The following WDFY4 variants were observed in gnomAD, a reference collection of about 807,000 sequenced individuals.
WDFY4 encodes the protein WD repeat- and FYVE domain-containing protein 4.
WDFY4 carries 169 observed loss-of-function variants against 351.9 expected under a neutral mutation model. The observed-to-expected ratio is 0.48, with a 90% confidence interval of 0.42 to 0.55. The LOEUF is 0.55. Among genes scored for constraint, WDFY4 ranks in the 20% least tolerant of loss-of-function variants. WDFY4 has a pLI of 0.00. For missense variants in WDFY4, 3,803 were observed against 3,935.6 expected, an observed-to-expected ratio of 0.97 and a Z score of 0.90; for synonymous variants, 1,622 against 1,574.6, an observed-to-expected ratio of 1.03 and a Z score of -0.71.
chr10:48,810,298 A>G (rs553058392), intron 28 of WDFY4, among the ~76,000 whole-genome samples: 69 of 152,340 alleles, frequency 4.5e-4, no homozygotes, highest in African/African-American at 1.3e-3. Context: ...CAATTGCTTC[A>G]AAATGCTGTG....
At chr10:48,719,439 G>T (rs907906097) in intron 2 of WDFY4, among the ~76,000 whole-genome samples, 1 of 152,180 alleles carries the variant, frequency 6.6e-6, no homozygotes, top group Non-Finnish European at 1.5e-5. Context: ...CTCACGGGAG[G>T]CCTGGAGAGT....
At chr10:48,834,501 T>C (rs757114321) in intron 39 of WDFY4, among the ~76,000 whole-genome samples, 1 of 152,244 alleles carries the variant, frequency 6.6e-6, no homozygotes, top group Non-Finnish European at 1.5e-5. Context: ...CCATTTGGCC[T>C]TCTAGCTCTC....
Position 48,729,506 on chromosome 10 carries a change from C to T in WDFY4, c.1046C>T (p.Thr349Ile). The T allele has an allele frequency of 1.9e-6, 3 of 1,551,718 alleles. No homozygotes were observed. Among genetic ancestry groups the T allele is most frequent in the Non-Finnish European group, 2.6e-6 (3 of 1,146,994 alleles). The change falls in exon 8 of 62, where the codon ACC becomes ATC. Residue 349 changes from threonine to isoleucine, a missense_variant. Thr to Ile is a moderately conservative substitution (Grantham distance 89). This residue lies in a region of WDFY4 where 488 missense variants were observed against 456.8 expected (regional missense o/e 1.07). Transcript: ENST00000325239. ...ELLGLVVWLT[T>I]CGRSELKVFD... ...CTTGGGCTGGTGGTGTGGCTGACAA[C>T]CTGTGGGAGGTCAGAGCTGAAGGTG... is the stretch of plus-strand genomic sequence containing the variant.
At chr10:48,760,619 A>C (rs2065474393) in intron 13 of WDFY4, among the ~76,000 whole-genome samples, 179 bp downstream of exon 13, 3 of 152,212 alleles carry the variant, frequency 2.0e-5, no homozygotes, top group Admixed American at 1.3e-4. Flanking sequence ...CACTTGACTG[A>C]GTTGTGCCCA....
intron 53 of WDFY4, among the ~76,000 whole-genome samples, chr10:48,963,555 C>T (rs1841953042): frequency 6.6e-6 from 1 of 152,176 alleles, no homozygotes; most frequent in African/African-American, 2.4e-5. Flanking sequence ...TTTCCCAGGC[C>T]TGCACCTCAT....
At chr10:48,687,516 T>G (rs894267526) in intron 1 of WDFY4, among the ~76,000 whole-genome samples, 6 of 152,170 alleles carry the variant, frequency 3.9e-5, no homozygotes, top group African/African-American at 1.4e-4. Flanking sequence ...AAATGGCTTT[T>G]GTGTATGGCG....
intron 47 of WDFY4, among the ~76,000 whole-genome samples, chr10:48,937,247 T>C (rs1181839109): frequency 6.6e-6 from 1 of 152,242 alleles, no homozygotes; most frequent in Non-Finnish European, 1.5e-5. Flanking sequence ...AGTTGTACCA[T>C]AACAATCTGG....
At chr10:48,794,005 A>G (rs1205824335) in intron 23 of WDFY4, among the ~76,000 whole-genome samples, 1 of 152,068 alleles carries the variant, frequency 6.6e-6, no homozygotes, top group Admixed American at 6.5e-5. Flanking sequence ...TAACATTAAA[A>G]CACTTCCAGG....
At chr10:48,811,494 A>G in intron 29 of WDFY4, 45 bp from the exon 30 acceptor site, 3 of 1,536,488 alleles carry the variant, frequency 2.0e-6, no homozygotes, top group Non-Finnish European at 2.6e-6. Context: ...CTTGACCAGC[A>G]GCTGTTCTCA....
At chr10:48,912,739 C>T (rs953288001) in intron 47 of WDFY4, among the ~76,000 whole-genome samples, 2 of 152,230 alleles carry the variant, frequency 1.3e-5, no homozygotes, top group Admixed American at 1.3e-4. Context: ...GGGAGTGCAA[C>T]TTCATTCATT....
intron 47 of WDFY4, among the ~76,000 whole-genome samples, chr10:48,934,742 C>G (rs1840246996): frequency 6.6e-6 from 1 of 152,214 alleles, no homozygotes; most frequent in Non-Finnish European, 1.5e-5. Flanking sequence ...GAAGCAGTCA[C>G]AGCTTAGTTT....
At chr10:48,774,714 C>G (rs1166498887) in intron 14 of WDFY4, 42 bp downstream of exon 14, 2 of 1,548,564 alleles carry the variant, frequency 1.3e-6, no homozygotes, top group Non-Finnish European at 1.7e-6. Flanking sequence ...GCTGGGCAGC[C>G]ATGTCCTTTG....
At chr10:48,897,035 C>T (rs1398708469) in intron 44 of WDFY4, among the ~76,000 whole-genome samples, 1 of 152,158 alleles carries the variant, frequency 6.6e-6, no homozygotes, top group Admixed American at 6.5e-5. Context: ...CCCACGAGGG[C>T]TCCTGGGCAT....
chr10:48,923,367 A>G (rs1291098602), intron 47 of WDFY4, among the ~76,000 whole-genome samples: 1 of 151,898 alleles, frequency 6.6e-6, no homozygotes, highest in African/African-American at 2.4e-5. Flanking sequence ...ATTGAGATCA[A>G]GGAAGTCTAT....
At chr10:48,867,134 C>G (rs978994341) in intron 39 of WDFY4, 131 bp from the exon 40 acceptor site, 10 of 293,808 alleles carry the variant, frequency 3.4e-5, no homozygotes, top group African/African-American at 2.4e-4. Context: ...TGTGCCACTG[C>G]ACTCCATCCT....
chr10:48,726,063 C>G lies in WDFY4; in HGVS notation c.774C>G (p.Tyr258Ter), dbSNP rs773724103. Residue 258 changes from tyrosine to a stop codon, truncating the protein, a stop_gained, in exon 6 of 62, where the codon TAC becomes TAG. Transcript: ENST00000325239. LOFTEE classifies it high-confidence loss of function. ...CCCAGAACCTCAGCATCATCCAGTA[C>G]CTGCAGGGTATGGCCCGGGAAATTA... ...SKAQNLSIIQ[Y>*]LQATDCVRLS... 27 of 1,541,678 alleles carry G rather than the reference C, an allele frequency of 1.8e-5. No individual in the cohort carries two copies. Among genetic ancestry groups the G allele is most frequent in the African/African-American group, 5.5e-5 (4 of 72,872 alleles).
At chr10:48,926,938 A>G (rs1360135277) in intron 47 of WDFY4, among the ~76,000 whole-genome samples, 2 of 152,192 alleles carry the variant, frequency 1.3e-5, no homozygotes, top group Non-Finnish European at 2.9e-5. Flanking sequence ...GCCTTGCCAC[A>G]TGGAGTGTGA....
chr10:48,941,388 T>C (rs1485515952), intron 47 of WDFY4, among the ~76,000 whole-genome samples: 1 of 152,244 alleles, frequency 6.6e-6, no homozygotes, highest in African/African-American at 2.4e-5. Flanking sequence ...TGGGAGACCC[T>C]TAGGCCATAT....
intron 19 of WDFY4, among the ~76,000 whole-genome samples, chr10:48,782,615 A>G (rs957293415): frequency 1.3e-5 from 2 of 152,264 alleles, no homozygotes; most frequent in African/African-American, 2.4e-5. Context: ...GGTCAGGACC[A>G]GCAAGTGAAA....
Sources: allele counts gnomAD v4.1 joint callset (sites outside exome capture counted in the v4.1 genomes callset), GRCh38; gene constraint gnomAD v4.1.1; regional missense constraint gnomAD v4.1.1; transcripts MANE v1.5; gene names NCBI Gene and HGNC (gene_info 2026-07-23, HGNC 2026-07-21).